PTPRG: variants seen among roughly 807,000 people sequenced by gnomAD.
PTPRG encodes receptor-type tyrosine-protein phosphatase gamma.
Under a neutral mutation model 165.3 loss-of-function variants are expected in PTPRG, and 102 were observed. The observed-to-expected ratio is 0.62, with a 90% CI of 0.53 to 0.73. The LOEUF (loss-of-function observed/expected upper bound fraction) is 0.73. Ranked by LOEUF, PTPRG falls within the 30% of genes least tolerant of loss-of-function variation. The probability of loss-of-function intolerance (pLI) is 0.00; values close to 1 mark genes in which losing one functional copy is unlikely to be tolerated. For missense variants in PTPRG, 1,866 were observed against 1,861.4 expected, an observed-to-expected ratio of 1.00 and a Z score of -0.05; for synonymous variants, 675 against 669.5, an observed-to-expected ratio of 1.01 and a Z score of -0.13.
rs1184159388 is a variant in PTPRG, at chr3:62,228,255, G to T, written c.2289-2970G>T. ...AAGAAAAAGGAGGCTGGGCGCGGTG[G>T]CTCATGCCTGTCATCTCAGCACTTT... On this transcript the variant is annotated intron_variant, in intron 13 of 29. Coordinates refer to ENST00000474889, the MANE Select transcript of PTPRG (RefSeq NM_002841.4). The surrounding 1 kb of genome is among the most constrained non-coding windows in gnomAD (Gnocchi z 4.1). Among the ~76,000 whole-genome samples the T allele has an allele frequency of 6.6e-6, 1 of 152,148 alleles. No homozygotes were observed. Among genetic ancestry groups the T allele is most frequent in the Non-Finnish European group, 1.5e-5 (1 of 68,030 alleles).
chr3:62,041,319 G>A (rs1032779400), intron 4 of PTPRG, among the ~76,000 whole-genome samples: 2 of 152,194 alleles, frequency 1.3e-5, no homozygotes, highest in Non-Finnish European at 2.9e-5. Flanking sequence ...CCAGGAGACA[G>A]AACGTTGTTT....
At chr3:61,562,670 G>T (rs999680816) in intron 1 of PTPRG, among the ~76,000 whole-genome samples, 1 of 151,986 alleles carries the variant, frequency 6.6e-6, no homozygotes, top group Admixed American at 6.5e-5. Context: ...GGAGAAAGGG[G>T]GACTTGCTTT....
intron 2 of PTPRG, among the ~76,000 whole-genome samples, chr3:61,873,380 T>G (rs1478169807): frequency 6.6e-6 from 1 of 152,176 alleles, no homozygotes; most frequent in Non-Finnish European, 1.5e-5. Flanking sequence ...TGTCATATCT[T>G]AAAACATCTG....
rs934383947 is a variant in PTPRG at position 62,252,136 on chromosome 3, C to T, written c.2468-2988C>T. ...CCCACCACCACCACTGCATCAGTGA[C>T]ATTTACTCCCACTGTCATCAAATCC... On this transcript the variant is annotated intron_variant, in intron 15 of 29. Transcript: ENST00000474889. This position sits in a 1 kb window ranked among gnomAD's most constrained non-coding sequence, Gnocchi z 4.6. Among the ~76,000 whole-genome samples, 2 of 152,162 alleles carry T rather than the reference C, an allele frequency of 1.3e-5. No homozygotes were observed. The highest frequency in any genetic ancestry group is 4.8e-5 in the African/African-American group (2 of 41,440).
At chr3:62,126,538 C>G (rs566301284) in intron 5 of PTPRG, among the ~76,000 whole-genome samples, 3 of 152,154 alleles carry the variant, frequency 2.0e-5, no homozygotes, top group Non-Finnish European at 4.4e-5. Flanking sequence ...CGATGGAAAC[C>G]AGTCCTAGGA....
At chr3:61,960,850 T>C (rs2040136132) in intron 2 of PTPRG, among the ~76,000 whole-genome samples, 1 of 152,158 alleles carries the variant, frequency 6.6e-6, no homozygotes, top group Admixed American at 6.5e-5. Flanking sequence ...TTGAATTTCC[T>C]AAAATTAAGG....
chr3:61,809,315 C>CT (rs754686938), intron 2 of PTPRG, among the ~76,000 whole-genome samples: 1 of 152,016 alleles, frequency 6.6e-6, no homozygotes, highest in East Asian at 1.9e-4. Context: ...AAGATGCACT[C>CT]TTTTTTCAGA....
At chr3:62,060,345 T>C (rs904089170) in intron 4 of PTPRG, among the ~76,000 whole-genome samples, 13 of 152,138 alleles carry the variant, frequency 8.5e-5, no homozygotes, top group African/African-American at 2.4e-4. Flanking sequence ...TAATGGCTAC[T>C]GGCTACTGTT....
intron 1 of PTPRG, among the ~76,000 whole-genome samples, chr3:61,661,696 T>C (rs544413746): frequency 2.0e-5 from 3 of 152,336 alleles, no homozygotes; most frequent in Admixed American, 6.5e-5. Context: ...CTCTTTTCTT[T>C]GTAGTGAGTA....
chr3:62,106,950 A>C (rs989325289), intron 5 of PTPRG, among the ~76,000 whole-genome samples: 2 of 152,212 alleles, frequency 1.3e-5, no homozygotes, highest in African/African-American at 4.8e-5. Flanking sequence ...CTTATTGAAG[A>C]GGAAAATGAT....
intron 4 of PTPRG, among the ~76,000 whole-genome samples, chr3:62,046,213 G>T (rs1213942797): frequency 1.3e-5 from 2 of 152,134 alleles, no homozygotes; most frequent in Non-Finnish European, 2.9e-5. Context: ...CACTGAAATG[G>T]CATGATGTTG....
rs554154216 is a variant in PTPRG at position 62,156,462 on chromosome 3, C to T, written c.683-605C>T. 2.0e-3 allele frequency among the ~76,000 whole-genome samples: 302 copies of T among 152,286 alleles called. 2 individuals are homozygous for T. The highest frequency in any genetic ancestry group is 3.4e-3 in the Middle Eastern group (1 of 294). On this transcript the variant is annotated intron_variant, in intron 6 of 29. Coordinates refer to ENST00000474889, the MANE Select transcript of PTPRG (RefSeq NM_002841.4). ...CACATTTGTAAAAAGAATGCTGGTT[C>T]CTGGGGCCATTCTTTTTAAATTTCT...
intron 1 of PTPRG, among the ~76,000 whole-genome samples, chr3:61,731,215 G>A (rs1237521452): frequency 1.3e-5 from 2 of 152,110 alleles, no homozygotes; most frequent in African/African-American, 2.4e-5. Context: ...AAAAAGTAGA[G>A]TTCCCTTAAA....
intron 9 of PTPRG, among the ~76,000 whole-genome samples, chr3:62,193,990 T>C (rs1699900671): frequency 6.6e-6 from 1 of 152,208 alleles, no homozygotes; most frequent in African/African-American, 2.4e-5. Flanking sequence ...TTAAAGGCTG[T>C]CAGAATGAAA....
At chr3:61,745,153 C>T (rs570182197) in intron 1 of PTPRG, among the ~76,000 whole-genome samples, 4 of 147,652 alleles carry the variant, frequency 2.7e-5, no homozygotes, top group East Asian at 2.0e-4. Context: ...TGGGTTCAAG[C>T]GATTCTCCTG....
At chr3:61,820,938 A>AT (rs1259842578) in intron 2 of PTPRG, among the ~76,000 whole-genome samples, 2 of 151,194 alleles carry the variant, frequency 1.3e-5, no homozygotes, top group African/African-American at 4.9e-5. Flanking sequence ...ACATTTATGG[A>AT]TTTTTTTTCA....
chr3:62,248,226 A>G, intron 15 of PTPRG, among the ~76,000 whole-genome samples: 1 of 152,194 alleles, frequency 6.6e-6, no homozygotes, highest in Non-Finnish European at 1.5e-5. Flanking sequence ...TATCAGATAG[A>G]TTTTGAATGG....
intron 2 of PTPRG, among the ~76,000 whole-genome samples, chr3:61,891,104 G>A (rs534522147): frequency 1.3e-5 from 2 of 152,156 alleles, no homozygotes; most frequent in South Asian, 4.2e-4. Flanking sequence ...TGGATCACGA[G>A]GTCAAGAGTT....
intron 1 of PTPRG, among the ~76,000 whole-genome samples, chr3:61,692,464 T>C (rs993917000): frequency 2.6e-5 from 4 of 152,212 alleles, no homozygotes; most frequent in African/African-American, 9.7e-5. Context: ...TTTTACAGTT[T>C]GGAAATTTTC....
Sources: allele counts gnomAD v4.1 joint callset (sites outside exome capture counted in the v4.1 genomes callset), GRCh38; gene constraint gnomAD v4.1.1; non-coding constraint Gnocchi (gnomAD v3.1); transcripts MANE v1.5; gene names NCBI Gene and HGNC (gene_info 2026-07-23, HGNC 2026-07-21).